Variants in EXTL3 observed in about 807,000 individuals in gnomAD.
EXTL3 encodes exostosin-like 3.
Under a neutral mutation model 69.3 loss-of-function variants are expected in EXTL3, and 27 were observed. That is an observed-to-expected ratio of 0.39 (90% CI 0.29 to 0.54). EXTL3 has a LOEUF of 0.54. Among genes scored for constraint, EXTL3 ranks in the 20% least tolerant of loss-of-function variants. EXTL3 has a pLI of 0.69. For synonymous variants in EXTL3, 511 were observed against 499.4 expected (o/e 1.02, Z -0.31); for missense variants, 1,003 against 1,231.8 (o/e 0.81, Z 2.78).
chr8:28,684,207 TG>T (rs1807540047), intron 1 of EXTL3, among the ~76,000 whole-genome samples: 1 of 152,206 alleles, frequency 6.6e-6, no homozygotes, highest in Non-Finnish European at 1.5e-5. Context: ...TTCCAAATCT[TG>T]GCTATTGTGA....
intron 1 of EXTL3, among the ~76,000 whole-genome samples, chr8:28,686,331 C>T (rs1484701959): frequency 6.8e-6 from 1 of 147,816 alleles, no homozygotes; most frequent in East Asian, 2.0e-4. Context: ...CTCTCTCTCT[C>T]TCAAAAAAAA....
chr8:28,641,993 G>A (rs950567349), intron 1 of EXTL3, among the ~76,000 whole-genome samples: 35 of 151,878 alleles, frequency 2.3e-4, no homozygotes, highest in African/African-American at 7.0e-4. Context: ...CCAACACCAC[G>A]CCCAGCTAAT....
chr8:28,694,209 G>T (rs568584201), intron 1 of EXTL3, among the ~76,000 whole-genome samples: 1 of 152,152 alleles, frequency 6.6e-6, no homozygotes, highest in Non-Finnish European at 1.5e-5. Flanking sequence ...ATCAGTGGGG[G>T]CCCCCAAGAG....
intron 1 of EXTL3, among the ~76,000 whole-genome samples, chr8:28,668,466 G>C (rs1775388792): frequency 6.6e-6 from 1 of 151,412 alleles, no homozygotes; most frequent in East Asian, 2.0e-4. Context: ...CCAGTAGCTG[G>C]GATTACAGCC....
intron 5 of EXTL3, chr8:28,742,427 G>C (rs1228514899): frequency 1.3e-5 from 2 of 157,016 alleles, no homozygotes; most frequent in Non-Finnish European, 2.8e-5. Context: ...GAGATGGGAA[G>C]TGTTGGAGGC....
rs1801130807 is a variant in EXTL3 at position 28,715,831 on chromosome 8, A to C, written c.-229A>C. The C allele has an allele frequency of 1.8e-6, 1 of 569,642 alleles. No homozygotes were observed. The highest frequency in any genetic ancestry group is 3.1e-6 in the Non-Finnish European group (1 of 321,166). 35.3% of individuals were successfully genotyped at this position (569,642 alleles called of 1,614,324 possible). On this transcript the variant is annotated 5_prime_UTR_variant, in exon 3 of 7. It removes an upstream start codon present in the reference 5' UTR. Transcript: ENST00000220562. ...TTATCGTTTGATAAAGATTAAGGAC[A>C]TGTTCTTTGGTCAACAGCCAGAACT... is the stretch of plus-strand genomic sequence containing the variant.
At position 28,688,817 on chromosome 8, in the gene EXTL3, A is replaced by T. The variant is rs77393072; in HGVS notation, c.-52-24640A>T. Among the ~76,000 whole-genome samples, 165 of 152,346 alleles carry T rather than the reference A, an allele frequency of 1.1e-3. 1 individual carries two copies. In the East Asian group the frequency reaches 0.028, roughly 26 times the overall value. On this transcript the variant is annotated intron_variant, in intron 1 of 6. Coordinates refer to the EXTL3 transcript ENST00000523149. ...GCAAGAGTTAAAGGAAGGATATTAG[A>T]TCACATTCAAAAATGGAGCACCTAG...
chr8:28,651,105 A>C (rs985606676), intron 1 of EXTL3, among the ~76,000 whole-genome samples: 1 of 152,122 alleles, frequency 6.6e-6, no homozygotes. Context: ...CCTAATCCCA[A>C]ACTGCAAAAT....
At chr8:28,610,478 G>A (rs1459189055) in intron 2 of EXTL3, among the ~76,000 whole-genome samples, 1 of 152,058 alleles carries the variant, frequency 6.6e-6, no homozygotes, top group Non-Finnish European at 1.5e-5. Context: ...GTTGTCATTT[G>A]GACCAGAGGA....
In EXTL3 at chr8:28,716,123, C is replaced by T. The variant is rs754077651; in HGVS notation, c.64C>T (p.Arg22Cys). Residue 22 changes from arginine to cysteine, a missense_variant, in exon 3 of 7, where the codon CGC (arginine) becomes TGC (cysteine). Physicochemically the swap from Arg to Cys is radical, Grantham distance 180. Around this residue, in one of 2 missense-constraint regions of EXTL3, gnomAD observed 742 missense variants for 815.4 expected, o/e 0.91. Transcript: ENST00000220562. The surrounding 1 kb of genome is among the most constrained non-coding windows in gnomAD (Gnocchi z 7.1). ...AGNGGQTCML[R>C]WSNRIRLTWL... ...GAACGGAGGTCAGACCTGCATGCTG[C>T]GCTGGTCCAACCGCATCCGCCTCAC... is the stretch of plus-strand genomic sequence containing the variant. 1.2e-5 allele frequency: 20 copies of T among 1,613,566 alleles called. No individual in the cohort carries two copies. Among genetic ancestry groups the T allele is most frequent in the East Asian group, 4.5e-5 (2 of 44,892 alleles).
At chr8:28,636,447 T>C (rs543839050) in intron 1 of EXTL3, among the ~76,000 whole-genome samples, 3 of 152,270 alleles carry the variant, frequency 2.0e-5, no homozygotes, top group South Asian at 4.1e-4. Context: ...CAAGGAAGGA[T>C]TGGGGCTGGA....
chr8:28,714,270 A>G (rs1801095184), intron 2 of EXTL3, among the ~76,000 whole-genome samples: 1 of 152,168 alleles, frequency 6.6e-6, no homozygotes, highest in South Asian at 2.1e-4. Context: ...TTAATGTCCA[A>G]TGTTACGATG....
At position 28,644,242 on chromosome 8, in the gene EXTL3, A is replaced by G. The variant is rs1485121114; in HGVS notation, c.-53+21432A>G. ...CATTTATTTAGGGTAGTACTCTATT[A>G]TATAAAGAGATCACAATTATCAGTT... On this transcript the variant is annotated intron_variant, in intron 1 of 6. Transcript: ENST00000523149. Among the ~76,000 whole-genome samples the G allele has an allele frequency of 5.3e-5, 8 of 152,272 alleles. No individual in the cohort carries two copies. In the East Asian group the frequency reaches 1.5e-3, roughly 29 times the overall value.
At chr8:28,733,248 T>C (rs889582818) in intron 4 of EXTL3, among the ~76,000 whole-genome samples, 4 of 152,190 alleles carry the variant, frequency 2.6e-5, no homozygotes, top group African/African-American at 7.2e-5. Flanking sequence ...CAGCCCCATA[T>C]TGCATTCTCA....
upstream of EXTL3, among the ~76,000 whole-genome samples, chr8:28,620,382 A>G (rs931915394): frequency 1.3e-5 from 2 of 152,144 alleles, no homozygotes; most frequent in Non-Finnish European, 2.9e-5. Context: ...GCAGGCTCCT[A>G]TGGAACTTGA....
intron 1 of EXTL3, among the ~76,000 whole-genome samples, chr8:28,674,090 T>TGTTC (rs1318015607): frequency 1.3e-5 from 2 of 152,068 alleles, no homozygotes; most frequent in Non-Finnish European, 2.9e-5. Context: ...TTTGTTTGTT[T>TGTTC]GTTTTCTGAG....
At chr8:28,691,572 A>ATTTTGTTTTTTTTTTTTTTTTTTTTTTT (rs1800612749) in intron 1 of EXTL3, among the ~76,000 whole-genome samples, 1 of 135,494 alleles carries the variant, frequency 7.4e-6, no homozygotes, top group African/African-American at 3.2e-5. Flanking sequence ...AGTTTTTGTG[A>ATTTTGTTTTTTTTTTTTTTTTTTTTTTT]TTTTTTTTTT....
At chr8:28,677,969 G>A (rs1807415263) in intron 1 of EXTL3, 1 of 152,244 alleles carries the variant, frequency 6.6e-6, no homozygotes, top group Non-Finnish European at 1.5e-5. Context: ...ATCAGACTGG[G>A]TTTAAAATGT....
At chr8:28,650,861 A>T (rs892954460) in intron 1 of EXTL3, among the ~76,000 whole-genome samples, 20 of 151,898 alleles carry the variant, frequency 1.3e-4, no homozygotes, top group African/African-American at 4.8e-4. Flanking sequence ...AACAAGGCCT[A>T]CCTTCTTTTT....
Sources: gnomAD v4.1 joint callset for allele counts (sites outside exome capture counted in the v4.1 genomes callset) on GRCh38, gnomAD v4.1.1 for gene constraint, gnomAD v4.1.1 regional missense constraint, Gnocchi (gnomAD v3.1) non-coding constraint, MANE v1.5 for transcripts, NCBI Gene and HGNC (gene_info 2026-07-23, HGNC 2026-07-21) for gene names.